Variants in SLX4IP observed in about 807,000 individuals in gnomAD.
SLX4IP encodes protein SLX4IP.
Under a neutral mutation model 32.9 loss-of-function variants are expected in SLX4IP, and 34 were observed. The ratio of observed to expected loss-of-function variants is 1.03; its 90% CI spans 0.79 to 1.38. The LOEUF is 1.38. Among genes scored for constraint, SLX4IP ranks in the 40% most tolerant of loss-of-function variants. The pLI is 0.00. For synonymous variants in SLX4IP, 172 were observed against 171.7 expected (o/e 1.00, Z -0.01); for missense variants, 444 against 479.0 (o/e 0.93, Z 0.68).
At chr20:10,446,411 CAAAAAAAAAAAAA>C (rs36181096) in intron 1 of SLX4IP, among the ~76,000 whole-genome samples, 3 of 112,402 alleles carry the variant, frequency 2.7e-5, no homozygotes, top group African/African-American at 1.2e-4. Context: ...GACTCTGTCT[CAAAAAAAAAAAAA>C]AAAAAAAAGT....
At chr20:10,455,155 T>A (rs1163252560) in intron 1 of SLX4IP, among the ~76,000 whole-genome samples, 1 of 152,198 alleles carries the variant, frequency 6.6e-6, no homozygotes, top group African/African-American at 2.4e-5. Flanking sequence ...ATGTATGATT[T>A]GCAGATTTTT....
At chr20:10,577,817 A>T (rs1333578766) in intron 4 of SLX4IP, among the ~76,000 whole-genome samples, 1 of 152,252 alleles carries the variant, frequency 6.6e-6, no homozygotes, top group Non-Finnish European at 1.5e-5. Context: ...TATAGAATTC[A>T]CCATCAAATA....
In SLX4IP at chr20:10,623,074, C is replaced by T; in HGVS notation, c.922C>T (p.His308Tyr). Residue 308 changes from histidine (H) to tyrosine (Y), a missense_variant, in exon 8 of 8, where the codon CAC becomes TAC. By Grantham distance (83) the His-to-Tyr change is moderately conservative. Transcript: ENST00000334534. ...NCSSAEDFDH[H>Y]GRVSLGSDRL... ...CAGCTCTGCGGAAGACTTCGACCAC[C>T]ACGGGAGAGTTTCTCTTGGAAGTGA... 1 of 1,614,126 alleles carries T rather than the reference C, an allele frequency of 6.2e-7. No individual in the cohort carries two copies. The highest frequency in any genetic ancestry group is 8.5e-7 in the Non-Finnish European group (1 of 1,179,990).
At chr20:10,438,765 C>T (rs931428301) in intron 1 of SLX4IP, among the ~76,000 whole-genome samples, 3 of 151,854 alleles carry the variant, frequency 2.0e-5, no homozygotes, top group African/African-American at 7.3e-5. Flanking sequence ...CCACCATGCC[C>T]GGCCACATTT....
intron 1 of SLX4IP, among the ~76,000 whole-genome samples, chr20:10,439,966 G>A (rs1247540070): frequency 1.3e-5 from 2 of 152,106 alleles, no homozygotes; most frequent in Non-Finnish European, 2.9e-5. Context: ...GGTTACTTGT[G>A]TTTATTTTAG....
At chr20:10,590,653 A>C (rs1359892136) in intron 4 of SLX4IP, among the ~76,000 whole-genome samples, 1 of 152,144 alleles carries the variant, frequency 6.6e-6, no homozygotes, top group Non-Finnish European at 1.5e-5. Context: ...GAGCCACCGC[A>C]CCCGGCTGAG....
chr20:10,536,153 A>G (rs2066041800), intron 2 of SLX4IP, among the ~76,000 whole-genome samples: 1 of 152,210 alleles, frequency 6.6e-6, no homozygotes, highest in Non-Finnish European at 1.5e-5. Flanking sequence ...CCACTTAGAG[A>G]TCTTTAACAC....
chr20:10,475,596 G>C (rs1045547055), intron 2 of SLX4IP, among the ~76,000 whole-genome samples: 3 of 152,160 alleles, frequency 2.0e-5, no homozygotes, highest in African/African-American at 4.8e-5. Context: ...CATCTTCCTT[G>C]TTATTCTCCC....
intron 2 of SLX4IP, among the ~76,000 whole-genome samples, chr20:10,497,681 G>A (rs1244450020): frequency 6.6e-6 from 1 of 151,678 alleles, no homozygotes; most frequent in Non-Finnish European, 1.5e-5. Flanking sequence ...CTTCTTAAAT[G>A]TACTTGTTTA....
intron 2 of SLX4IP, among the ~76,000 whole-genome samples, chr20:10,538,006 G>A (rs967029722): frequency 6.6e-6 from 1 of 152,200 alleles, no homozygotes; most frequent in Admixed American, 6.5e-5. Context: ...CAGCTGGCCA[G>A]GTGATGAATC....
chr20:10,619,784 C>T (rs965211795), intron 6 of SLX4IP, among the ~76,000 whole-genome samples: 12 of 152,184 alleles, frequency 7.9e-5, no homozygotes, highest in African/African-American at 2.9e-4. Flanking sequence ...CTCGATTCCT[C>T]TCGATCTCTC....
chr20:10,452,426 G>T (rs1239884423), intron 1 of SLX4IP, among the ~76,000 whole-genome samples: 1 of 152,046 alleles, frequency 6.6e-6, no homozygotes, highest in Non-Finnish European at 1.5e-5. Flanking sequence ...AGCACTTTGG[G>T]AGGCCGAGGT....
intron 2 of SLX4IP, among the ~76,000 whole-genome samples, chr20:10,546,252 G>A (rs2066161053): frequency 6.6e-6 from 1 of 152,192 alleles, no homozygotes; most frequent in Non-Finnish European, 1.5e-5. Flanking sequence ...GTACATTGCA[G>A]TTTCTGTCAG....
intron 2 of SLX4IP, among the ~76,000 whole-genome samples, chr20:10,553,829 A>G (rs2066241913): frequency 6.6e-6 from 1 of 152,216 alleles, no homozygotes; most frequent in Non-Finnish European, 1.5e-5. Flanking sequence ...GTAACACACT[A>G]AAGTGCACTC....
chr20:10,581,026 T>G (rs1251366360), intron 4 of SLX4IP, among the ~76,000 whole-genome samples: 1 of 130,106 alleles, frequency 7.7e-6, no homozygotes, highest in Non-Finnish European at 1.7e-5. Flanking sequence ...CTAAGGAATC[T>G]TTTTTTTTCT....
At chr20:10,474,554 T>C (rs2065457324) in intron 2 of SLX4IP, among the ~76,000 whole-genome samples, 1 of 152,208 alleles carries the variant, frequency 6.6e-6, no homozygotes, top group African/African-American at 2.4e-5. Flanking sequence ...TGTGGAGTTT[T>C]TTCCTTTTTC....
chr20:10,583,748 A>C (rs907420617), intron 4 of SLX4IP, among the ~76,000 whole-genome samples: 8 of 152,236 alleles, frequency 5.3e-5, no homozygotes, highest in African/African-American at 1.7e-4. Context: ...TATACAATGA[A>C]AATGGAGCTT....
intron 6 of SLX4IP, among the ~76,000 whole-genome samples, chr20:10,608,391 C>T (rs541766947): frequency 1.3e-5 from 2 of 152,188 alleles, no homozygotes; most frequent in African/African-American, 4.8e-5. Context: ...GAAGGCCAGG[C>T]GCGGTGGCTC....
chr20:10,436,842 T>G (rs886819340), intron 1 of SLX4IP, among the ~76,000 whole-genome samples: 1 of 152,186 alleles, frequency 6.6e-6, no homozygotes, highest in Non-Finnish European at 1.5e-5. Context: ...CCCAATATAC[T>G]TATATGTAAT....
Sources: gnomAD v4.1 joint callset for allele counts (sites outside exome capture counted in the v4.1 genomes callset) on GRCh38, gnomAD v4.1.1 for gene constraint, MANE v1.5 for transcripts, NCBI Gene and HGNC (gene_info 2026-07-23, HGNC 2026-07-21) for gene names.